Variants in GPC3 observed in about 807,000 individuals in gnomAD.
GPC3 encodes the protein glypican 3, also known as glypican-3.
GPC3 carries 3 observed loss-of-function variants against 34.4 expected under a neutral mutation model. The ratio of observed to expected loss-of-function variants is 0.09; its 90% CI spans 0.04 to 0.23. The LOEUF is 0.23. Ranked by LOEUF, GPC3 falls within the 10% of genes least tolerant of loss-of-function variation. The probability of loss-of-function intolerance (pLI) is 1.00; values close to 1 mark genes in which losing one functional copy is unlikely to be tolerated. For missense variants in GPC3, 351 were observed against 445.6 expected, an observed-to-expected ratio of 0.79 and a Z score of 1.91; for synonymous variants, 177 against 174.0, an observed-to-expected ratio of 1.02 and a Z score of -0.13.
chrX:133,661,938 T>C (rs1008492534), intron 5 of GPC3, 88 bp from the exon 6 acceptor site: 4 of 1,080,842 alleles, frequency 3.7e-6, no homozygotes, highest in Middle Eastern at 2.5e-4. Context: ...ACAGTCAGAC[T>C]GACCACAAGC....
chrX:133,915,045 A>AT (rs765260548), intron 2 of GPC3, among the ~76,000 whole-genome samples: 3 of 102,070 alleles, frequency 2.9e-5, no homozygotes, highest in Admixed American at 2.2e-4. Flanking sequence ...ATAAAAGATC[A>AT]TTTTTTCTTA....
intron 5 of GPC3, among the ~76,000 whole-genome samples, chrX:133,691,498 C>CAA (rs35766324): frequency 9.8e-5 from 9 of 92,005 alleles, no homozygotes; most frequent in Admixed American, 3.6e-4. Flanking sequence ...GACTCTGTCT[C>CAA]AAAAAAAAAA....
intron 2 of GPC3, among the ~76,000 whole-genome samples, chrX:133,765,326 G>A: frequency 9.0e-6 from 1 of 111,534 alleles, no homozygotes; most frequent in Middle Eastern, 4.6e-3. Context: ...ACAAATCAAG[G>A]CTAAGGAGTT....
chrX:133,818,070 A>G (rs1201153350), intron 2 of GPC3, among the ~76,000 whole-genome samples: 1 of 111,606 alleles, frequency 9.0e-6, no homozygotes, highest in Non-Finnish European at 1.9e-5. Flanking sequence ...TTGATCAGCT[A>G]TCATTGGATT....
At chrX:133,547,646 G>GCAT (rs1204464930) in intron 7 of GPC3, among the ~76,000 whole-genome samples, 2 of 110,902 alleles carry the variant, frequency 1.8e-5, no homozygotes, top group Admixed American at 1.9e-4. Context: ...ATCTGAGGCT[G>GCAT]CATTATTATT....
At chrX:133,775,419 C>T (rs1023972707) in intron 2 of GPC3, among the ~76,000 whole-genome samples, 5 of 111,564 alleles carry the variant, frequency 4.5e-5, no homozygotes, top group Non-Finnish European at 7.5e-5. Flanking sequence ...GGGGAGGCCC[C>T]TGTAAGTTGC....
chrX:133,966,445 A>G (rs752430729), intron 1 of GPC3, among the ~76,000 whole-genome samples: 1 of 112,307 alleles, frequency 8.9e-6, no homozygotes, highest in Admixed American at 9.4e-5. Flanking sequence ...CCAATGCCCA[A>G]CTGCCCTTAC....
At chrX:133,780,433 A>T (rs1248861863) in intron 2 of GPC3, among the ~76,000 whole-genome samples, 1 of 111,237 alleles carries the variant, frequency 9.0e-6, no homozygotes, top group Non-Finnish European at 1.9e-5. Flanking sequence ...GGGCCTAGCC[A>T]TTCCTCATTT....
chrX:133,844,886 C>G (rs1339904694), intron 2 of GPC3, among the ~76,000 whole-genome samples: 1 of 111,901 alleles, frequency 8.9e-6, no homozygotes, highest in Admixed American at 9.5e-5. Flanking sequence ...AATATCTTCA[C>G]TGTAGATAAA....
chrX:133,918,973 GAGC>G (rs1273526962), intron 2 of GPC3, among the ~76,000 whole-genome samples: 1 of 111,678 alleles, frequency 9.0e-6, no homozygotes, highest in African/African-American at 3.3e-5. Flanking sequence ...TTTTCTGACA[GAGC>G]AGTCCCTGCT....
chrX:133,734,746 T>TACAC (rs1205296706), intron 3 of GPC3, among the ~76,000 whole-genome samples: 1 of 110,706 alleles, frequency 9.0e-6, no homozygotes, highest in Non-Finnish European at 1.9e-5. Context: ...CTCACTCACT[T>TACAC]ACACACACAC....
intron 2 of GPC3, among the ~76,000 whole-genome samples, chrX:133,855,549 AGTAAAATGGTCCC>A (rs2075897274): frequency 1.9e-5 from 2 of 105,928 alleles, no homozygotes; most frequent in Non-Finnish European, 3.9e-5. Context: ...ATATATATAT[AGTAAAATGGTCCC>A]TATAGTGGAA....
intron 2 of GPC3, among the ~76,000 whole-genome samples, chrX:133,944,571 A>G (rs143855084): frequency 0.037 from 4,088 of 111,743 alleles, 67 homozygotes; most frequent in East Asian, 0.1. Context: ...TACACACAGA[A>G]AGGGAAAGGA....
At chrX:133,865,410 T>C (rs1398939558) in intron 2 of GPC3, among the ~76,000 whole-genome samples, 1 of 112,209 alleles carries the variant, frequency 8.9e-6, no homozygotes, top group Non-Finnish European at 1.9e-5. Context: ...TGATTTCATA[T>C]TGGAAAGTCA....
chrX:133,647,628 C>T (rs1026973742), intron 6 of GPC3, among the ~76,000 whole-genome samples: 9 of 112,090 alleles, frequency 8.0e-5, no homozygotes, highest in Non-Finnish European at 1.7e-4. Flanking sequence ...ATGGAGAAGG[C>T]GAACAGTCAC....
intron 5 of GPC3, among the ~76,000 whole-genome samples, chrX:133,668,657 A>G (rs1261847863): frequency 9.0e-6 from 1 of 111,000 alleles, no homozygotes; most frequent in Non-Finnish European, 1.9e-5. Context: ...CTGAAGAAAA[A>G]GAAAACATGA....
chrX:133,639,912 C>G (rs2070465171), intron 6 of GPC3, among the ~76,000 whole-genome samples: 1 of 110,869 alleles, frequency 9.0e-6, no homozygotes, highest in African/African-American at 3.3e-5. Flanking sequence ...TCTGAGGGTT[C>G]CAGTAACTTC....
chrX:133,780,369 G>T (rs1325723375), intron 2 of GPC3, among the ~76,000 whole-genome samples: 1 of 111,260 alleles, frequency 9.0e-6, no homozygotes, highest in Non-Finnish European at 1.9e-5. Context: ...CTTCTTTAAA[G>T]GTATAATATT....
intron 7 of GPC3, among the ~76,000 whole-genome samples, chrX:133,545,167 G>A (rs987328250): frequency 3.6e-5 from 4 of 111,934 alleles, no homozygotes; most frequent in Admixed American, 9.5e-5. Context: ...TACAGCAAGG[G>A]CCAGGGAAGA....
Sources: gnomAD v4.1 joint callset for allele counts (sites outside exome capture counted in the v4.1 genomes callset) on GRCh38, gnomAD v4.1.1 for gene constraint, MANE v1.5 for transcripts, NCBI Gene and HGNC (gene_info 2026-07-23, HGNC 2026-07-21) for gene names.